The following DAAM1 variants were observed in gnomAD, a reference collection of about 807,000 sequenced individuals.
DAAM1 encodes disheveled-associated activator of morphogenesis 1.
Under a neutral mutation model 130.0 loss-of-function variants are expected in DAAM1, and 52 were observed. The observed-to-expected ratio is 0.40, with a 90% confidence interval of 0.32 to 0.50. The LOEUF (loss-of-function observed/expected upper bound fraction) is 0.50, where lower values mean the gene tolerates loss of function less well. Among genes scored for constraint, DAAM1 ranks in the 20% least tolerant of loss-of-function variants. DAAM1 has a pLI of 0.61. For synonymous variants in DAAM1, 452 were observed against 444.5 expected (o/e 1.02, Z -0.21); for missense variants, 1,134 against 1,303.8 (o/e 0.87, Z 2.01).
intron 1 of DAAM1, among the ~76,000 whole-genome samples, chr14:59,202,943 C>G (rs1888151997): frequency 6.6e-6 from 1 of 151,760 alleles, no homozygotes; most frequent in South Asian, 2.1e-4. Context: ...AATGTATTAG[C>G]ATAGCGTAGT....
chr14:59,237,104 A>G (rs1237338513), intron 1 of DAAM1, among the ~76,000 whole-genome samples: 2 of 152,210 alleles, frequency 1.3e-5, no homozygotes, highest in East Asian at 3.8e-4. Flanking sequence ...CCTAGCATAG[A>G]GTCAGTTTTA....
intron 17 of DAAM1, among the ~76,000 whole-genome samples, chr14:59,347,864 C>T (rs1886142813): frequency 6.6e-6 from 1 of 152,178 alleles, no homozygotes; most frequent in Non-Finnish European, 1.5e-5. Context: ...CACAGCATCC[C>T]TCAAGCTGCA....
chr14:59,222,078 A>G (rs530075483), intron 1 of DAAM1, among the ~76,000 whole-genome samples: 71 of 152,302 alleles, frequency 4.7e-4, no homozygotes, highest in African/African-American at 1.5e-3. Context: ...TCAGCTACGT[A>G]GCATGTAACT....
At chr14:59,319,589 G>A (rs1173434543) in intron 4 of DAAM1, among the ~76,000 whole-genome samples, 1 of 152,184 alleles carries the variant, frequency 6.6e-6, no homozygotes, top group Non-Finnish European at 1.5e-5. Context: ...AGAATAGGAT[G>A]AAGAAAAGGG....
intron 2 of DAAM1, among the ~76,000 whole-genome samples, chr14:59,272,866 A>G (rs1882788903): frequency 6.6e-6 from 1 of 152,190 alleles, no homozygotes; most frequent in African/African-American, 2.4e-5. Context: ...GCCAAGATAC[A>G]GTCAATTTAA....
intron 21 of DAAM1, 137 bp downstream of exon 21, chr14:59,359,641 A>C: frequency 9.4e-5 from 59 of 629,540 alleles, no homozygotes; most frequent in Non-Finnish European, 1.2e-4. Context: ...TTTGAATCTC[A>C]TCCAAGTCAC....
intron 23 of DAAM1, among the ~76,000 whole-genome samples, chr14:59,364,792 C>G (rs1231394668): frequency 2.7e-5 from 4 of 150,884 alleles, no homozygotes; most frequent in Non-Finnish European, 4.4e-5. Context: ...ATTAAACCTT[C>G]TTTCTAACCT....
chr14:59,291,355 C>A (rs745599235), intron 3 of DAAM1, 49 bp downstream of exon 3: 2 of 1,422,036 alleles, frequency 1.4e-6, no homozygotes, highest in Admixed American at 2.0e-5. Flanking sequence ...ATCATTGATT[C>A]CATTTGCTCT....
chr14:59,225,165 C>A (rs1349296518), intron 1 of DAAM1, among the ~76,000 whole-genome samples: 2 of 151,528 alleles, frequency 1.3e-5, no homozygotes, highest in African/African-American at 4.9e-5. Flanking sequence ...GTAGCTGGGA[C>A]TACAGGCATG....
At chr14:59,341,052 T>A (rs1885823681) in intron 16 of DAAM1, among the ~76,000 whole-genome samples, 2 of 152,222 alleles carry the variant, frequency 1.3e-5, no homozygotes, top group African/African-American at 4.8e-5. Flanking sequence ...ATTATTTAGA[T>A]GTTCTTAGAA....
At chr14:59,263,298 C>T (rs1882264610) in intron 1 of DAAM1, 143 bp from the exon 2 acceptor site, 2 of 655,192 alleles carry the variant, frequency 3.1e-6, no homozygotes, top group Non-Finnish European at 5.2e-6. Context: ...ACTCCAAACC[C>T]ACTCGGTGTT....
chr14:59,221,454 C>T (rs1284117453), intron 1 of DAAM1, among the ~76,000 whole-genome samples: 1 of 152,226 alleles, frequency 6.6e-6, no homozygotes, highest in Non-Finnish European at 1.5e-5. Flanking sequence ...TCCTACTACT[C>T]ATTCTGTATT....
intron 2 of DAAM1, among the ~76,000 whole-genome samples, chr14:59,266,774 CT>C (rs1882464077): frequency 6.6e-6 from 1 of 152,218 alleles, no homozygotes; most frequent in Non-Finnish European, 1.5e-5. Flanking sequence ...AATTCTGCCT[CT>C]GGCCTGGTAC....
At chr14:59,261,434 A>G (rs967866863) in intron 1 of DAAM1, among the ~76,000 whole-genome samples, 5 of 152,302 alleles carry the variant, frequency 3.3e-5, no homozygotes, top group Middle Eastern at 3.4e-3. Context: ...AGGAATCCCA[A>G]TTATGACATA....
rs762122818 is a variant in DAAM1, at chr14:59,331,887, G to T, written c.1935G>T (p.Leu645=). The change falls in exon 15 of 25, where the codon CTG becomes CTT. Residue 645 remains leucine, a synonymous_variant. Transcript: ENST00000360909. The part of the protein sequence containing the change: ...KVFKILDLED[L]ERTFSAYQRQ... ...TCAAAATTCTAGATCTTGAAGACCTGGAAAGAACCTTCTCTGCCTATCAAA... is the reference window on the plus strand; with the variant it reads ...TCAAAATTCTAGATCTTGAAGACCTTGAAAGAACCTTCTCTGCCTATCAAA... 5.0e-6 allele frequency: 8 copies of T among 1,613,978 alleles called. No homozygotes were observed. The Admixed American group carries it at 5.0e-5, about 10-fold the overall frequency.
chr14:59,327,402 C>CTTTTTTTTTTTTTGTTTTTTTT (rs1885250477), intron 12 of DAAM1, among the ~76,000 whole-genome samples: 1 of 58,992 alleles, frequency 1.7e-5, no homozygotes, highest in Admixed American at 2.5e-4. Context: ...CACTTGGTTT[C>CTTTTTTTTTTTTTGTTTTTTTT]TTTTTTTTTT....
chr14:59,332,925 G>A (rs1468167552), intron 15 of DAAM1, among the ~76,000 whole-genome samples: 4 of 152,082 alleles, frequency 2.6e-5, no homozygotes, highest in African/African-American at 7.2e-5. Context: ...TTAACTCCCA[G>A]ATGAATCATG....
intron 3 of DAAM1, among the ~76,000 whole-genome samples, chr14:59,297,855 C>G (rs1594807294): frequency 6.6e-6 from 1 of 152,114 alleles, no homozygotes; most frequent in Non-Finnish European, 1.5e-5. Context: ...GGGTTCAGTA[C>G]TATCCAATCT....
At chr14:59,212,410 G>C (rs965860981) in intron 1 of DAAM1, among the ~76,000 whole-genome samples, 1 of 152,094 alleles carries the variant, frequency 6.6e-6, no homozygotes, top group African/African-American at 2.4e-5. Context: ...ACATATTATG[G>C]CTTATGCTGT....
Sources: gnomAD v4.1 joint callset for allele counts (sites outside exome capture counted in the v4.1 genomes callset) on GRCh38, gnomAD v4.1.1 for gene constraint, MANE v1.5 for transcripts, NCBI Gene and HGNC (gene_info 2026-07-23, HGNC 2026-07-21) for gene names.